The following ADAM32 variants were observed in gnomAD, a reference collection of about 807,000 sequenced individuals.
ADAM32 encodes the protein disintegrin and metalloproteinase domain-containing protein 32.
In ADAM32, 89 loss-of-function variants were observed where a neutral mutation model predicts 114.9. The ratio of observed to expected loss-of-function variants is 0.77; its 90% CI spans 0.65 to 0.92. The LOEUF (loss-of-function observed/expected upper bound fraction) is 0.92, where lower values mean the gene tolerates loss of function less well. Among genes scored for constraint, ADAM32 ranks in the 40% least tolerant of loss-of-function variants. ADAM32 has a pLI of 0.00. For synonymous variants in ADAM32, 285 were observed against 307.5 expected (o/e 0.93, Z 0.77); for missense variants, 870 against 932.8 (o/e 0.93, Z 0.88).
rs766613238 is a variant in ADAM32, at chr8:39,254,494, C to T, written c.1983C>T (p.Ser661=). The T allele has an allele frequency of 5.0e-6, 8 of 1,587,800 alleles. No homozygotes were observed. The Admixed American group carries it at 7.0e-5, about 14-fold the overall frequency. Reference sequence around the variant, plus strand: ...GCCAAATACGTTCCAAAGGATTTTCCATATTTCCTGAGGAAGATATGGGCA... The same window carrying T: ...GCCAAATACGTTCCAAAGGATTTTCTATATTTCCTGAGGAAGATATGGGCA... ...PNCQIRSKGF[S]IFPEEDMGSI... is the part of the protein sequence containing the mutation. The change falls in exon 18 of 25, where the codon TCC becomes TCT. Residue 661 remains serine (S), a synonymous_variant. Coordinates refer to ENST00000379907, the MANE Select transcript of ADAM32 (RefSeq NM_145004.7).
At chr8:39,203,954 T>G (rs1411033998) in intron 11 of ADAM32, among the ~76,000 whole-genome samples, 4 of 152,218 alleles carry the variant, frequency 2.6e-5, no homozygotes, top group Non-Finnish European at 5.9e-5. Context: ...ATGTTGAATA[T>G]TGGCCCCCAC....
At position 39,180,397 on chromosome 8, in the gene ADAM32, C is replaced by T. The variant is rs1018514890; in HGVS notation, c.916-6512C>T. On this transcript the variant is annotated intron_variant, in intron 10 of 24. Coordinates refer to ENST00000379907, the MANE Select transcript of ADAM32 (RefSeq NM_145004.7). ...CAGCCCGCCATGCCTAAGCCTCCCC[C>T]GCCTCAGCCTCCCCTGCCTCTGTGG... Among the ~76,000 whole-genome samples, 8 of 152,228 alleles carry T rather than the reference C, an allele frequency of 5.3e-5. No individual in the cohort carries two copies. In the South Asian group the frequency reaches 6.2e-4, roughly 12 times the overall value.
intron 12 of ADAM32, among the ~76,000 whole-genome samples, chr8:39,213,938 G>A (rs1808389891): frequency 6.6e-6 from 1 of 152,132 alleles, no homozygotes; most frequent in Non-Finnish European, 1.5e-5. Context: ...GGAACATGCA[G>A]TGTTTGTCTT....
chr8:39,186,872 T>C, intron 10 of ADAM32, 37 bp from the exon 11 acceptor site: 1 of 1,511,354 alleles, frequency 6.6e-7, no homozygotes, highest in South Asian at 1.3e-5. Context: ...CTTTAGAGAA[T>C]TATCTTTCCT....
chr8:39,145,700 T>A (rs1803463369), intron 3 of ADAM32, among the ~76,000 whole-genome samples: 1 of 152,060 alleles, frequency 6.6e-6, no homozygotes, highest in African/African-American at 2.4e-5. Flanking sequence ...TATTTATTTA[T>A]TTTTTTGTTT....
intron 14 of ADAM32, 31 bp downstream of exon 14, chr8:39,223,269 C>T: frequency 7.0e-7 from 1 of 1,427,482 alleles, no homozygotes; most frequent in Non-Finnish European, 9.3e-7. Context: ...CTCAATAGCC[C>T]TTAACATTGT....
chr8:39,235,625 T>G (rs1169562343), intron 16 of ADAM32, among the ~76,000 whole-genome samples: 1 of 152,212 alleles, frequency 6.6e-6, no homozygotes, highest in Non-Finnish European at 1.5e-5. Flanking sequence ...AAATAATGTG[T>G]AAAAACAAAT....
chr8:39,221,490 A>G (rs1486051311), intron 12 of ADAM32, 120 bp from the exon 13 acceptor site: 1 of 717,328 alleles, frequency 1.4e-6, no homozygotes, highest in South Asian at 1.8e-5. Flanking sequence ...ACCTGTAACT[A>G]TCAGCAGCAT....
chr8:39,184,489 A>G (rs1806097664), intron 10 of ADAM32, among the ~76,000 whole-genome samples: 1 of 152,232 alleles, frequency 6.6e-6, no homozygotes. Context: ...CCTGACCTCC[A>G]TAAGCCTGCA....
intron 11 of ADAM32, 51 bp downstream of exon 11, chr8:39,187,096 T>C: frequency 6.6e-7 from 1 of 1,511,958 alleles, no homozygotes; most frequent in Non-Finnish European, 8.9e-7. Context: ...TTTTAAATAT[T>C]CAGAGTGTGA....
intron 17 of ADAM32, among the ~76,000 whole-genome samples, chr8:39,248,394 G>T (rs542846984): frequency 6.6e-6 from 1 of 151,952 alleles, no homozygotes; most frequent in East Asian, 1.9e-4. Flanking sequence ...TCTTCATATT[G>T]ATCTTATATA....
chr8:39,235,174 G>A (rs1394425634), intron 16 of ADAM32, among the ~76,000 whole-genome samples: 4 of 152,034 alleles, frequency 2.6e-5, no homozygotes, highest in African/African-American at 9.7e-5. Flanking sequence ...TTTAATTCCT[G>A]ACCAGATCTT....
intron 22 of ADAM32, among the ~76,000 whole-genome samples, chr8:39,277,537 G>A (rs1340986852): frequency 6.6e-6 from 1 of 152,202 alleles, no homozygotes; most frequent in African/African-American, 2.4e-5. Context: ...TCATGACAGG[G>A]GTGCCTCGTT....
chr8:39,195,967 C>G (rs1159434066), intron 11 of ADAM32, among the ~76,000 whole-genome samples: 2 of 152,124 alleles, frequency 1.3e-5, no homozygotes, highest in Admixed American at 1.3e-4. Context: ...TTTCTCTACT[C>G]CACATGGGTG....
chr8:39,264,310 A>G lies in ADAM32; in HGVS notation c.2163-6566A>G, dbSNP rs185941360. On this transcript the variant is annotated intron_variant, in intron 19 of 24. Coordinates refer to ENST00000379907, the MANE Select transcript of ADAM32 (RefSeq NM_145004.7). Reference sequence around the variant, plus strand: ...GTAGGTTGTGTGTTTCTAGGTATTCATCTATTTCTTCTAGGTTTTCTAGTT... The same window carrying G: ...GTAGGTTGTGTGTTTCTAGGTATTCGTCTATTTCTTCTAGGTTTTCTAGTT... 1.3e-4 allele frequency among the ~76,000 whole-genome samples: 20 copies of G among 152,212 alleles called. No homozygotes were observed. The East Asian group carries it at 2.7e-3, about 21-fold the overall frequency.
intron 19 of ADAM32, among the ~76,000 whole-genome samples, chr8:39,260,603 A>G (rs928651337): frequency 1.3e-5 from 2 of 152,088 alleles, no homozygotes; most frequent in Admixed American, 6.6e-5. Context: ...TATAAATCCC[A>G]CTTGATCATG....
intron 2 of ADAM32, chr8:39,131,976 C>A: frequency 3.2e-6 from 1 of 315,934 alleles, no homozygotes; most frequent in South Asian, 2.3e-5. Flanking sequence ...TCACCTCAAT[C>A]TCCGTCTCCC....
At position 39,249,910 on chromosome 8, in the gene ADAM32, T is replaced by G. The variant is rs73608618; in HGVS notation, c.1902+3744T>G. 5.5e-3 allele frequency among the ~76,000 whole-genome samples: 839 copies of G among 152,278 alleles called. 3 individuals are homozygous for G. The highest frequency in any genetic ancestry group is 0.019 in the African/African-American group (780 of 41,574). On this transcript the variant is annotated intron_variant, in intron 17 of 24. Transcript: ENST00000379907. ...TAAATATTTCACTCCTCACTCTTTT[T>G]GCTTGCATGGTTGCTGAAGAGAAGT...
intron 16 of ADAM32, among the ~76,000 whole-genome samples, chr8:39,239,686 C>G (rs1810428306): frequency 6.6e-6 from 1 of 152,084 alleles, no homozygotes; most frequent in South Asian, 2.1e-4. Context: ...AAAGACTCAC[C>G]TAACACATAA....
Sources: allele counts gnomAD v4.1 joint callset (sites outside exome capture counted in the v4.1 genomes callset), GRCh38; gene constraint gnomAD v4.1.1; transcripts MANE v1.5; gene names NCBI Gene and HGNC (gene_info 2026-07-23, HGNC 2026-07-21).